Variants in ATP8B1 observed in about 807,000 individuals in gnomAD.
The protein encoded by ATP8B1 is ATPase phospholipid transporting 8B1, also known as phospholipid-transporting ATPase IC.
A neutral mutation model predicts 149.9 loss-of-function variants in ATP8B1; 80 were observed. That is an observed-to-expected ratio of 0.53 (90% CI 0.45 to 0.64). The LOEUF is 0.64. Ranked by LOEUF, ATP8B1 falls within the 30% of genes least tolerant of loss-of-function variation. The probability of loss-of-function intolerance (pLI) is 0.00; values close to 1 mark genes in which losing one functional copy is unlikely to be tolerated. For missense variants in ATP8B1, 1,247 were observed against 1,552.6 expected (o/e 0.80, Z 3.31); for synonymous variants, 536 against 562.8 (o/e 0.95, Z 0.67).
At chr18:57,788,913 A>G (rs919596687) in intron 1 of ATP8B1, among the ~76,000 whole-genome samples, 10 of 152,198 alleles carry the variant, frequency 6.6e-5, no homozygotes, top group Non-Finnish European at 4.4e-5. Flanking sequence ...ATCACAACAC[A>G]GCCCTTTTAG....
At chr18:57,742,839 AAC>A (rs1181689161) in intron 1 of ATP8B1, among the ~76,000 whole-genome samples, 1 of 151,814 alleles carries the variant, frequency 6.6e-6, no homozygotes, top group Non-Finnish European at 1.5e-5. Context: ...AAAAAAAAAA[AAC>A]AAAACAGACT....
At chr18:57,661,713 A>ATATTT (rs1376167519) in intron 21 of ATP8B1, among the ~76,000 whole-genome samples, 5 of 92,670 alleles carry the variant, frequency 5.4e-5, no homozygotes, top group Admixed American at 1.3e-4. Context: ...ATATATATAT[A>ATATTT]TTTTTTTTTT....
chr18:57,684,656 G>T (rs1283866488), intron 14 of ATP8B1, among the ~76,000 whole-genome samples: 1 of 152,112 alleles, frequency 6.6e-6, no homozygotes, highest in Non-Finnish European at 1.5e-5. Context: ...TAGTCAAAAG[G>T]TACTTTGTGG....
At chr18:57,762,429 G>T (rs886631364) in intron 1 of ATP8B1, among the ~76,000 whole-genome samples, 2 of 152,180 alleles carry the variant, frequency 1.3e-5, no homozygotes, top group African/African-American at 4.8e-5. Flanking sequence ...GTGAGCCAAT[G>T]TGCCCGGCCC....
intron 20 of ATP8B1, among the ~76,000 whole-genome samples, chr18:57,666,533 GT>G (rs5825232): frequency 0.66 from 94,356 of 143,806 alleles, 31,053 homozygotes; most frequent in East Asian, 0.93. Context: ...GGTGAACCGA[GT>G]TTTTTTTTTT....
intron 1 of ATP8B1, among the ~76,000 whole-genome samples, chr18:57,765,466 G>A (rs2080201969): frequency 6.6e-6 from 1 of 152,084 alleles, no homozygotes; most frequent in South Asian, 2.1e-4. Context: ...TCAGGAGTTC[G>A]AGACCAGCCT....
intron 1 of ATP8B1, among the ~76,000 whole-genome samples, chr18:57,765,577 G>T (rs2080203860): frequency 6.6e-6 from 1 of 151,568 alleles, no homozygotes. Flanking sequence ...GTTAAGGCAG[G>T]AAAATTGCTT....
intron 1 of ATP8B1, among the ~76,000 whole-genome samples, chr18:57,781,125 T>C (rs1254132942): frequency 6.6e-6 from 1 of 152,240 alleles, no homozygotes; most frequent in African/African-American, 2.4e-5. Flanking sequence ...CATTAAATGC[T>C]GATTGGTCTC....
intron 1 of ATP8B1, among the ~76,000 whole-genome samples, chr18:57,793,541 A>T (rs550287619): frequency 2.0e-5 from 3 of 152,276 alleles, no homozygotes; most frequent in South Asian, 2.1e-4. Context: ...CAAAGTCTTT[A>T]CATAGCCTGG....
chr18:57,682,487 C>A (rs910941974), intron 15 of ATP8B1, among the ~76,000 whole-genome samples: 1 of 152,154 alleles, frequency 6.6e-6, no homozygotes, highest in African/African-American at 2.4e-5. Context: ...CCTAAGTTGG[C>A]CAGTTAGCCC....
intron 22 of ATP8B1, among the ~76,000 whole-genome samples, chr18:57,655,948 A>T (rs994045466): frequency 6.6e-5 from 10 of 152,200 alleles, no homozygotes. Context: ...GTTTAGATCC[A>T]CTTATGACTT....
chr18:57,668,600 G>A (rs1911041926), intron 18 of ATP8B1, 60 bp from the exon 19 acceptor site: 1 of 1,102,088 alleles, frequency 9.1e-7, no homozygotes, highest in African/African-American at 1.7e-5. Context: ...AAAGTTTTCT[G>A]TAATTACAGG....
intron 2 of ATP8B1, among the ~76,000 whole-genome samples, chr18:57,714,303 C>G (rs1201097192): frequency 7.4e-6 from 1 of 134,348 alleles, no homozygotes; most frequent in East Asian, 2.4e-4. Flanking sequence ...AGGTTTTGGA[C>G]TCCAGTCCAT....
intron 3 of ATP8B1, among the ~76,000 whole-genome samples, chr18:57,705,665 G>A (rs1472752063): frequency 6.6e-6 from 1 of 152,096 alleles, no homozygotes; most frequent in Non-Finnish European, 1.5e-5. Flanking sequence ...CCAGGGGAGA[G>A]GCAGGGAACA....
At chr18:57,650,319 T>G (rs2122544805) in intron 27 of ATP8B1, 48 bp downstream of exon 27, 3 of 1,602,044 alleles carry the variant, frequency 1.9e-6, no homozygotes, top group African/African-American at 1.3e-5. Context: ...GGGAAACGCT[T>G]TGGTTTCTGT....
chr18:57,707,604 G>T (rs1252479864), intron 2 of ATP8B1, among the ~76,000 whole-genome samples: 2 of 151,296 alleles, frequency 1.3e-5, no homozygotes, highest in African/African-American at 4.8e-5. Flanking sequence ...TGCCTCCCGG[G>T]TTCAAGTGAT....
chr18:57,648,393 A>G lies in ATP8B1; in HGVS notation c.*95T>C, dbSNP rs1909319064. On this transcript the variant is annotated 3_prime_UTR_variant, in exon 28 of 28. Transcript: ENST00000648908. ...ATTTATTGTCTTCAATATCTTTGTG[A>G]TGAATGCAATTCACACACACACACA... The G allele has an allele frequency of 2.2e-6, 3 of 1,338,792 alleles. No individual in the cohort carries two copies. The highest frequency in any genetic ancestry group is 2.9e-5 in the African/African-American group (2 of 69,552). 82.9% of individuals were successfully genotyped at this position (1,338,792 alleles called of 1,614,324 possible). A position where few individuals can be genotyped will look rare whatever the true frequency, so the allele number is the denominator to read the frequency against.
At chr18:57,793,469 A>G (rs1396804784) in intron 1 of ATP8B1, among the ~76,000 whole-genome samples, 1 of 151,832 alleles carries the variant, frequency 6.6e-6, no homozygotes, top group Non-Finnish European at 1.5e-5. Context: ...TGGTCTTCAC[A>G]CAGATCACAC....
Position 57,732,077 on chromosome 18 carries a change from G to GTA in ATP8B1, c.-25-247_-25-246dup, listed in dbSNP as rs1374203858. 6.5e-4 allele frequency: 220 copies of GTA among 336,460 alleles called. 8 individuals carry two copies. The highest frequency in any genetic ancestry group is 1.8e-3 in the South Asian group (72 of 41,108). The allele number at this position is 336,460 out of a possible 1,614,324, so 20.8% of individuals were successfully genotyped here. ...GCAAACCTTTTATTTTTAAACAAGG[G>GTA]TATATATATATATGTATGTGTATAT... On this transcript the variant is annotated intron_variant, in intron 1 of 27. Transcript: ENST00000648908.
Sources: gnomAD v4.1 joint callset for allele counts (sites outside exome capture counted in the v4.1 genomes callset) on GRCh38, gnomAD v4.1.1 for gene constraint, MANE v1.5 for transcripts, NCBI Gene and HGNC (gene_info 2026-07-23, HGNC 2026-07-21) for gene names.